PTBP2: variants seen among roughly 807,000 people sequenced by gnomAD.
PTBP2 encodes polypyrimidine tract binding protein 2.
Under a neutral mutation model 61.4 loss-of-function variants are expected in PTBP2, and 13 were observed. That is an observed-to-expected ratio of 0.21 (90% CI 0.14 to 0.34). The LOEUF (loss-of-function observed/expected upper bound fraction) is 0.34, where lower values mean the gene tolerates loss of function less well. PTBP2 is among the 10% of genes least tolerant of loss of function. The probability of loss-of-function intolerance (pLI) is 1.00; values close to 1 mark genes in which losing one functional copy is unlikely to be tolerated. For missense variants in PTBP2, 405 were observed against 642.6 expected (o/e 0.63, Z 4.00); for synonymous variants, 215 against 218.5 (o/e 0.98, Z 0.14).
At chr1:96,747,916 T>C (rs1276234426) in intron 2 of PTBP2, among the ~76,000 whole-genome samples, 1 of 152,178 alleles carries the variant, frequency 6.6e-6, no homozygotes, top group Admixed American at 6.5e-5. Flanking sequence ...CTTTTGATTT[T>C]ACTGATCCTC....
intron 2 of PTBP2, among the ~76,000 whole-genome samples, chr1:96,743,760 A>C (rs917742777): frequency 6.6e-6 from 1 of 152,052 alleles, no homozygotes; most frequent in African/African-American, 2.4e-5. Context: ...GAGTTTAATA[A>C]CATTTATTTT....
chr1:96,793,796 G>A (rs188969495), intron 8 of PTBP2, among the ~76,000 whole-genome samples: 1 of 152,228 alleles, frequency 6.6e-6, no homozygotes, highest in Admixed American at 6.5e-5. Context: ...GAATGAATGT[G>A]TTTTACATCT....
intron 2 of PTBP2, among the ~76,000 whole-genome samples, chr1:96,728,480 A>C (rs1164916213): frequency 1.3e-5 from 2 of 152,190 alleles, no homozygotes; most frequent in African/African-American, 4.8e-5. Flanking sequence ...CAGCTTCATG[A>C]AAAATCACTT....
chr1:96,800,835 A>G lies in PTBP2; in HGVS notation c.905-3965A>G, dbSNP rs544056419. 6.6e-5 allele frequency among the ~76,000 whole-genome samples: 10 copies of G among 151,800 alleles called. No homozygotes were observed. The East Asian group carries it at 7.7e-4, about 12-fold the overall frequency. On this transcript the variant is annotated intron_variant, in intron 8 of 13. Coordinates refer to ENST00000674951, the MANE Select transcript of PTBP2 (RefSeq NM_021190.4). ...CTAATTACTTTAATTCTCAATTACT[A>G]TTTTTCCATGAAAAGGCTTGATGTT...
chr1:96,778,305 GTT>G (rs1658267598), intron 7 of PTBP2, among the ~76,000 whole-genome samples: 1 of 151,652 alleles, frequency 6.6e-6, no homozygotes, highest in South Asian at 2.1e-4. Flanking sequence ...TTTCAAAAGA[GTT>G]TGGCTGAAAT....
At chr1:96,772,015 T>C (rs530298055) in intron 5 of PTBP2, among the ~76,000 whole-genome samples, 1 of 152,240 alleles carries the variant, frequency 6.6e-6, no homozygotes, top group South Asian at 2.1e-4. Flanking sequence ...AAGCAAGCAG[T>C]CAGGTCTGCA....
chr1:96,746,609 G>A (rs1210221859), intron 2 of PTBP2, among the ~76,000 whole-genome samples: 2 of 151,374 alleles, frequency 1.3e-5, no homozygotes, highest in African/African-American at 4.9e-5. Flanking sequence ...GCTGAAGGAG[G>A]AGGATTGCTT....
intron 2 of PTBP2, among the ~76,000 whole-genome samples, chr1:96,734,616 C>T (rs1033900491): frequency 2.6e-4 from 39 of 151,524 alleles, no homozygotes; most frequent in African/African-American, 9.0e-4. Context: ...TTGAAGAAAA[C>T]TGGTTATTGG....
chr1:96,765,346 G>T (rs1656559099), intron 3 of PTBP2, among the ~76,000 whole-genome samples: 1 of 152,158 alleles, frequency 6.6e-6, no homozygotes, highest in South Asian at 2.1e-4. Flanking sequence ...GTTTTGCCGT[G>T]TCGTATTTTA....
chr1:96,721,919 A>C (rs1172430797), intron 1 of PTBP2, 47 bp downstream of exon 1: 1 of 1,562,388 alleles, frequency 6.4e-7, no homozygotes, highest in African/African-American at 1.4e-5. Context: ...GAGGAGTTGG[A>C]CCGTCCTTCG....
chr1:96,788,110 A>T (rs890140140), intron 8 of PTBP2, among the ~76,000 whole-genome samples: 2 of 152,088 alleles, frequency 1.3e-5, no homozygotes, highest in Non-Finnish European at 2.9e-5. Flanking sequence ...GCCTATTTTA[A>T]TTTCTGTTAA....
At position 96,769,643 on chromosome 1, in the gene PTBP2, G is replaced by A. The variant is rs1040757768; in HGVS notation, c.116-60G>A. 1.2e-5 allele frequency: 15 copies of A among 1,225,458 alleles called. No individual in the cohort carries two copies. In the African/African-American group the frequency reaches 2.2e-4, roughly 18 times the overall value. 75.9% of individuals were successfully genotyped at this position (1,225,458 alleles called of 1,614,324 possible). ...AATTTGTAGTTTTTTTACACAAATA[G>A]GAAAATTCATACATTCTTTTATTGT... On this transcript the variant is annotated intron_variant, in intron 3 of 13. Transcript: ENST00000674951.
At chr1:96,776,742 G>C (rs1367928944) in intron 5 of PTBP2, among the ~76,000 whole-genome samples, 1 of 151,312 alleles carries the variant, frequency 6.6e-6, no homozygotes, top group Non-Finnish European at 1.5e-5. Context: ...AACAGGAAAG[G>C]GATAATAGTA....
intron 3 of PTBP2, among the ~76,000 whole-genome samples, chr1:96,759,873 A>G (rs1043358921): frequency 6.6e-6 from 1 of 152,216 alleles, no homozygotes; most frequent in Non-Finnish European, 1.5e-5. Context: ...TAATGAATTT[A>G]CAATTCTATG....
At chr1:96,759,570 A>T (rs1655557726) in intron 3 of PTBP2, among the ~76,000 whole-genome samples, 1 of 152,168 alleles carries the variant, frequency 6.6e-6, no homozygotes, top group Non-Finnish European at 1.5e-5. Flanking sequence ...TTATATAAAA[A>T]CTAATATATA....
Position 96,741,118 on chromosome 1 carries a change from A to AC in PTBP2, c.40-10306dup, listed in dbSNP as rs1652954104. Among the ~76,000 whole-genome samples, 3 of 152,118 alleles carry AC rather than the reference A, an allele frequency of 2.0e-5. No homozygotes were observed. The South Asian group carries it at 6.2e-4, about 31-fold the overall frequency. ...CTTTTTAATTTTGCTGATCAAATGT[A>AC]CATGGGAAGGATATCTTGTGGTTTT... On this transcript the variant is annotated intron_variant, in intron 2 of 13. Transcript: ENST00000674951.
At chr1:96,809,110 G>GAAAT (rs966350350) in intron 11 of PTBP2, among the ~76,000 whole-genome samples, 2 of 152,104 alleles carry the variant, frequency 1.3e-5, no homozygotes, top group Admixed American at 6.5e-5. Context: ...TGTGCCTAGT[G>GAAAT]AAATAGCCTC....
At chr1:96,761,993 C>T (rs868480276) in intron 3 of PTBP2, among the ~76,000 whole-genome samples, 10 of 151,050 alleles carry the variant, frequency 6.6e-5, no homozygotes, top group South Asian at 2.1e-4. Context: ...CATCTTGCAC[C>T]GCCCTTAATC....
In PTBP2 at chr1:96,813,661, C is replaced by CTTTTTTTTTTT. The variant is rs66475516; in HGVS notation, c.*267_*277dup. The CTTTTTTTTTTT allele has an allele frequency of 4.1e-5, 5 of 120,696 alleles. No individual in the cohort carries two copies. The highest frequency in any genetic ancestry group is 2.0e-4 in the East Asian group (1 of 5,120). 7.5% of individuals were successfully genotyped at this position (120,696 alleles called of 1,614,324 possible). A position where few individuals can be genotyped will look rare whatever the true frequency, so the allele number is the denominator to read the frequency against. On this transcript the variant is annotated 3_prime_UTR_variant, in exon 14 of 14. Transcript: ENST00000674951. ...TGTTTAAAATTTCAGTTTAATTTTG[C>CTTTTTTTTTTT]TTTTTTTTTTTTTTTTTTTTTCCTT...
Sources: allele counts gnomAD v4.1 joint callset (sites outside exome capture counted in the v4.1 genomes callset), GRCh38; gene constraint gnomAD v4.1.1; transcripts MANE v1.5; gene names NCBI Gene and HGNC (gene_info 2026-07-23, HGNC 2026-07-21).